DNAAF9: variants seen among roughly 807,000 people sequenced by gnomAD.
DNAAF9 encodes shulin.
Under a neutral mutation model 167.0 loss-of-function variants are expected in DNAAF9, and 90 were observed. The observed-to-expected ratio is 0.54, with a 90% CI of 0.45 to 0.64. The LOEUF (loss-of-function observed/expected upper bound fraction) is 0.64, where lower values mean the gene tolerates loss of function less well. DNAAF9 is among the 30% of genes least tolerant of loss of function. The pLI, the probability that DNAAF9 is intolerant of heterozygous loss-of-function variation, is 0.00. For missense variants in DNAAF9, 1,315 were observed against 1,442.2 expected (o/e 0.91, Z 1.43); for synonymous variants, 491 against 508.8 (o/e 0.96, Z 0.47).
intron 7 of DNAAF9, among the ~76,000 whole-genome samples, chr20:3,354,230 A>C (rs114261780): frequency 1.4e-4 from 22 of 152,346 alleles, no homozygotes; most frequent in African/African-American, 5.1e-4. Context: ...TAGACATGCT[A>C]TTCTCCCAAC....
chr20:3,294,702 A>AAAGCATCAGGCCCAGT, intron 23 of DNAAF9, 73 bp from the exon 24 acceptor site: 2 of 965,738 alleles, frequency 2.1e-6, no homozygotes, highest in Non-Finnish European at 3.3e-6. Context: ...ACTGGGCCTG[A>AAAGCATCAGGCCCAGT]TGCTTTCAAG....
chr20:3,391,389 T>G (rs1255961762), intron 1 of DNAAF9, among the ~76,000 whole-genome samples: 1 of 152,184 alleles, frequency 6.6e-6, no homozygotes, highest in Non-Finnish European at 1.5e-5. Flanking sequence ...AATTAACCAC[T>G]GTTAATATTT....
intron 31 of DNAAF9, among the ~76,000 whole-genome samples, chr20:3,262,723 G>A (rs1390959537): frequency 6.6e-6 from 1 of 152,156 alleles, no homozygotes; most frequent in Non-Finnish European, 1.5e-5. Flanking sequence ...AGAGGTTCAG[G>A]CAGCAAGAGA....
At chr20:3,364,236 C>T (rs540793338) in intron 6 of DNAAF9, among the ~76,000 whole-genome samples, 2 of 152,302 alleles carry the variant, frequency 1.3e-5, no homozygotes, top group East Asian at 3.9e-4. Flanking sequence ...ATTTTGAAGA[C>T]TGATTACCTC....
At position 3,382,493 on chromosome 20, in the gene DNAAF9, G is replaced by A. The variant is rs368804742; in HGVS notation, c.97C>T (p.Arg33Trp). Residue 33 changes from arginine (R) to tryptophan (W), a missense_variant, in exon 2 of 37, where the codon CGG becomes TGG. Transcript: ENST00000252032. ...TGGGTCAGGATGCTCTGAACCTGCC[G>A]AAGTCGACTGCAGCTGCAACAAGAA... The part of the protein sequence containing the change: ...GSPSVSCSRL[R>W]QVQSILTQSS... 27 of 1,613,640 alleles carry A rather than the reference G, an allele frequency of 1.7e-5. No individual in the cohort carries two copies. The highest frequency in any genetic ancestry group is 1.3e-4 in the East Asian group (6 of 44,866).
At chr20:3,383,982 T>C (rs2083698773) in intron 1 of DNAAF9, among the ~76,000 whole-genome samples, 1 of 151,732 alleles carries the variant, frequency 6.6e-6, no homozygotes, top group Admixed American at 6.6e-5. Context: ...TACTTTTTAG[T>C]AAGAAGGTTT....
At chr20:3,252,921 C>T in intron 36 of DNAAF9, among the ~76,000 whole-genome samples, 1 of 152,234 alleles carries the variant, frequency 6.6e-6, no homozygotes, top group East Asian at 1.9e-4. Context: ...TCAGCTTCAG[C>T]CCTATCCATC....
chr20:3,402,370 T>C (rs554264070), intron 1 of DNAAF9, among the ~76,000 whole-genome samples: 2 of 141,426 alleles, frequency 1.4e-5, no homozygotes, highest in East Asian at 4.0e-4. Context: ...TCACCTCACA[T>C]AGTTTTTTTT....
intron 2 of DNAAF9, 115 bp from the exon 3 acceptor site, chr20:3,381,613 A>G (rs926350733): frequency 9.5e-7 from 1 of 1,053,246 alleles, no homozygotes; most frequent in Non-Finnish European, 1.3e-6. Context: ...CGCAGCTCAG[A>G]CCAGTTTTGT....
At chr20:3,297,196 AG>A (rs1226902047) in intron 22 of DNAAF9, among the ~76,000 whole-genome samples, 5 of 152,184 alleles carry the variant, frequency 3.3e-5, no homozygotes, top group African/African-American at 9.7e-5. Flanking sequence ...GTAAGGAGAA[AG>A]GGGTCGGGTA....
chr20:3,374,998 A>T, intron 5 of DNAAF9, 32 bp downstream of exon 5: 1 of 1,194,394 alleles, frequency 8.4e-7, no homozygotes, highest in Non-Finnish European at 1.2e-6. Context: ...CACCTAAGCA[A>T]GGTTCTAGAA....
intron 7 of DNAAF9, among the ~76,000 whole-genome samples, chr20:3,357,943 AAGGCTGT>A (rs1199457974): frequency 3.3e-5 from 5 of 152,072 alleles, no homozygotes; most frequent in Non-Finnish European, 7.4e-5. Flanking sequence ...TCAGGAGTTC[AAGGCTGT>A]AGTGAGCTAT....
At chr20:3,363,147 T>A (rs55909892) in intron 6 of DNAAF9, among the ~76,000 whole-genome samples, 57,568 of 150,202 alleles carry the variant, frequency 0.38, 11,304 homozygotes, top group Middle Eastern at 0.53. Context: ...GAGAATCACT[T>A]GGACCCAGGA....
intron 3 of DNAAF9, 146 bp from the exon 4 acceptor site, chr20:3,376,448 G>A (rs2083576588): frequency 2.8e-6 from 2 of 703,904 alleles, no homozygotes; most frequent in Non-Finnish European, 4.4e-6. Context: ...ATTAAGCACT[G>A]TGCCTTGTAA....
chr20:3,351,884 T>C (rs1242065701), intron 7 of DNAAF9, among the ~76,000 whole-genome samples: 1 of 151,880 alleles, frequency 6.6e-6, no homozygotes, highest in Non-Finnish European at 1.5e-5. Flanking sequence ...AGTCTTGCTC[T>C]GTCACCCAGG....
At chr20:3,360,557 G>A (rs943424751) in intron 6 of DNAAF9, among the ~76,000 whole-genome samples, 14 of 152,110 alleles carry the variant, frequency 9.2e-5, no homozygotes, top group African/African-American at 3.4e-4. Context: ...TAGTGGTCCT[G>A]AACAGAAAGT....
chr20:3,302,338 A>C (rs940017235), intron 21 of DNAAF9, among the ~76,000 whole-genome samples: 2 of 152,220 alleles, frequency 1.3e-5, no homozygotes, highest in Non-Finnish European at 2.9e-5. Flanking sequence ...TAATGATTAC[A>C]TCAGGGTAAT....
At chr20:3,278,763 T>C (rs1256882953) in intron 29 of DNAAF9, 149 bp downstream of exon 29, 8 of 742,844 alleles carry the variant, frequency 1.1e-5, no homozygotes, top group South Asian at 1.5e-5. Context: ...CTATCAAATA[T>C]GGTAAAAGTA....
Position 3,290,162 on chromosome 20 carries a change from G to A in DNAAF9, c.2294C>T (p.Ala765Val). 1 of 1,612,768 alleles carries A rather than the reference G, an allele frequency of 6.2e-7. No homozygotes were observed. Among genetic ancestry groups the A allele is most frequent in the South Asian group, 1.1e-5 (1 of 91,050 alleles). The change falls in exon 26 of 37, where the codon GCT (alanine) becomes GTT (valine). Residue 765 changes from alanine (A) to valine (V), a missense_variant. Physicochemically the swap from Ala to Val is moderately conservative, Grantham distance 64. Transcript: ENST00000252032. Reference sequence around the variant, plus strand: ...TTCCTTATGCAGAGTGACCAGAAAAGCACAGAGCTCGCTAGCGTGACAGCC... The same window carrying A: ...TTCCTTATGCAGAGTGACCAGAAAAACACAGAGCTCGCTAGCGTGACAGCC... Reference protein sequence around the residue: ...LPGCHASELCAFLVTLHKECG... With the variant: ...LPGCHASELCVFLVTLHKECG...
Sources: allele counts gnomAD v4.1 joint callset (sites outside exome capture counted in the v4.1 genomes callset), GRCh38; gene constraint gnomAD v4.1.1; transcripts MANE v1.5; gene names NCBI Gene and HGNC (gene_info 2026-07-23, HGNC 2026-07-21).